The following SYT16 variants were observed in gnomAD, a reference collection of about 807,000 sequenced individuals.
The protein encoded by SYT16 is synaptotagmin 16.
Under a neutral mutation model 61.4 loss-of-function variants are expected in SYT16, and 42 were observed. The ratio of observed to expected loss-of-function variants is 0.68; its 90% confidence interval spans 0.53 to 0.89. The LOEUF is 0.89. SYT16 is among the 40% of genes least tolerant of loss of function. The probability of loss-of-function intolerance (pLI) is 0.00; values close to 1 mark genes in which losing one functional copy is unlikely to be tolerated. For missense variants in SYT16, 804 were observed against 807.3 expected (o/e 1.00, Z 0.05); for synonymous variants, 314 against 302.3 (o/e 1.04, Z -0.40).
chr14:61,952,681 T>G (rs1019282901), intron 1 of SYT16, among the ~76,000 whole-genome samples: 7 of 152,216 alleles, frequency 4.6e-5, no homozygotes, highest in African/African-American at 1.7e-4. Flanking sequence ...CTCAAGTGTT[T>G]TGAAAAATGA....
chr14:61,959,143 A>G (rs11621766), intron 1 of SYT16, among the ~76,000 whole-genome samples: 6,457 of 152,148 alleles, frequency 0.042, 166 homozygotes, highest in African/African-American at 0.074. Flanking sequence ...GTGTGTCCTT[A>G]AATCTAACGT....
At chr14:61,987,017 G>A (rs1595087179) in intron 2 of SYT16, among the ~76,000 whole-genome samples, 1 of 152,134 alleles carries the variant, frequency 6.6e-6, no homozygotes, top group African/African-American at 2.4e-5. Context: ...TAATGTTATA[G>A]GTCATCAATA....
At chr14:61,954,644 AT>A (rs2050800636) in intron 1 of SYT16, among the ~76,000 whole-genome samples, 1 of 152,138 alleles carries the variant, frequency 6.6e-6, no homozygotes, top group Non-Finnish European at 1.5e-5. Flanking sequence ...GATGATATAT[AT>A]ACTGCTTTTC....
At chr14:61,870,240 A>G (rs1371658377) in intron 1 of SYT16, among the ~76,000 whole-genome samples, 2 of 152,222 alleles carry the variant, frequency 1.3e-5, no homozygotes, top group African/African-American at 4.8e-5. Flanking sequence ...TGCTAGATAT[A>G]GACTTCTAGT....
chr14:62,043,687 A>G (rs924949948), intron 3 of SYT16, among the ~76,000 whole-genome samples: 3 of 152,112 alleles, frequency 2.0e-5, no homozygotes, highest in African/African-American at 4.8e-5. Flanking sequence ...GATTACAGGC[A>G]TGAGCCACCG....
chr14:61,967,212 C>A (rs2051349880), intron 1 of SYT16, among the ~76,000 whole-genome samples: 1 of 152,048 alleles, frequency 6.6e-6, no homozygotes, highest in Non-Finnish European at 1.5e-5. Flanking sequence ...GTGAACACAG[C>A]AACAAGAAAG....
At chr14:62,076,809 C>T (rs2056514019) in intron 5 of SYT16, among the ~76,000 whole-genome samples, 1 of 152,204 alleles carries the variant, frequency 6.6e-6, no homozygotes, top group South Asian at 2.1e-4. Flanking sequence ...CCTATTGATA[C>T]TCTGTCTCCT....
At chr14:61,864,305 G>A (rs17099286) in intron 1 of SYT16, among the ~76,000 whole-genome samples, 7,622 of 152,288 alleles carry the variant, frequency 0.05, 437 homozygotes, top group African/African-American at 0.14. Context: ...CCCTTTTGGC[G>A]GAGCAGGAAC....
intron 1 of SYT16, among the ~76,000 whole-genome samples, chr14:61,851,373 G>A (rs190517631): frequency 2.8e-4 from 43 of 152,254 alleles, no homozygotes; most frequent in Middle Eastern, 6.8e-3. Flanking sequence ...ATGAACATAC[G>A]TATGCAGGTA....
chr14:61,977,162 C>T (rs191276006), intron 2 of SYT16, among the ~76,000 whole-genome samples: 9 of 152,304 alleles, frequency 5.9e-5, no homozygotes, highest in Non-Finnish European at 1.0e-4. Flanking sequence ...TTCAACAAGT[C>T]TCTAGGAAGC....
At chr14:61,871,746 T>C (rs1472336278) in intron 1 of SYT16, among the ~76,000 whole-genome samples, 1 of 152,202 alleles carries the variant, frequency 6.6e-6, no homozygotes, top group African/African-American at 2.4e-5. Context: ...ATTACAATAA[T>C]TATAAAAACA....
intron 1 of SYT16, among the ~76,000 whole-genome samples, chr14:61,944,131 C>T (rs2050323603): frequency 1.3e-5 from 2 of 152,178 alleles, no homozygotes. Context: ...TTCCCATTCA[C>T]AGTTGCTACA....
intron 2 of SYT16, among the ~76,000 whole-genome samples, chr14:61,974,638 T>G (rs539789311): frequency 6.6e-6 from 1 of 152,204 alleles, no homozygotes; most frequent in South Asian, 2.1e-4. Flanking sequence ...TAAGGGAACA[T>G]GAAGGTGGGA....
intron 1 of SYT16, among the ~76,000 whole-genome samples, chr14:61,841,987 A>G (rs2046314353): frequency 6.6e-6 from 1 of 152,150 alleles, no homozygotes; most frequent in Non-Finnish European, 1.5e-5. Flanking sequence ...ATATGAGTGC[A>G]GGTGTCTTCT....
At chr14:61,929,444 C>A (rs2140422501) in intron 1 of SYT16, among the ~76,000 whole-genome samples, 1 of 152,192 alleles carries the variant, frequency 6.6e-6, no homozygotes, top group East Asian at 1.9e-4. Context: ...AAAAGATGTG[C>A]AAGGGATATT....
At chr14:61,981,666 C>T (rs1168651465) in intron 2 of SYT16, among the ~76,000 whole-genome samples, 1 of 152,086 alleles carries the variant, frequency 6.6e-6, no homozygotes, top group East Asian at 1.9e-4. Flanking sequence ...TTATTGTCCC[C>T]TGCTTGAGAA....
intron 1 of SYT16, among the ~76,000 whole-genome samples, chr14:61,949,976 GT>G (rs2050606107): frequency 6.6e-6 from 1 of 152,160 alleles, no homozygotes; most frequent in African/African-American, 2.4e-5. Context: ...CAGAGTCCCA[GT>G]TTTTTAGTTC....
intron 3 of SYT16, among the ~76,000 whole-genome samples, chr14:62,064,621 A>C (rs770098872): frequency 9.9e-5 from 15 of 152,214 alleles, no homozygotes; most frequent in African/African-American, 2.4e-4. Flanking sequence ...ATGGGGAAAC[A>C]GATGGTAGAG....
chr14:61,880,345 A>G (rs1566647987), intron 1 of SYT16, among the ~76,000 whole-genome samples: 1 of 152,256 alleles, frequency 6.6e-6, no homozygotes, highest in African/African-American at 2.4e-5. Flanking sequence ...TGACCACATC[A>G]TACTGTCTTA....
Sources: allele counts gnomAD v4.1 joint callset (sites outside exome capture counted in the v4.1 genomes callset), GRCh38; gene constraint gnomAD v4.1.1; transcripts MANE v1.5; gene names NCBI Gene and HGNC (gene_info 2026-07-23, HGNC 2026-07-21).